TTC28: variants seen among roughly 807,000 people sequenced by gnomAD.
The protein encoded by TTC28 is tetratricopeptide repeat domain 28, also known as tetratricopeptide repeat protein 28.
Under a neutral mutation model 198.0 loss-of-function variants are expected in TTC28, and 61 were observed. That is an observed-to-expected ratio of 0.31 (90% CI 0.25 to 0.38). TTC28 has a LOEUF of 0.38. TTC28 is among the 10% of genes least tolerant of loss of function. The probability of loss-of-function intolerance (pLI) is 1.00; values close to 1 mark genes in which losing one functional copy is unlikely to be tolerated. For missense variants in TTC28, 2,678 were observed against 3,164.0 expected (o/e 0.85, Z 3.69); for synonymous variants, 1,171 against 1,297.8 (o/e 0.90, Z 2.10).
intron 2 of TTC28, among the ~76,000 whole-genome samples, chr22:28,427,449 G>A (rs1269951906): frequency 2.0e-5 from 3 of 152,108 alleles, no homozygotes; most frequent in Non-Finnish European, 4.4e-5. Flanking sequence ...AGGTCAGTTC[G>A]ACACCAACCT....
chr22:28,661,309 T>C (rs2051743439), intron 1 of TTC28, among the ~76,000 whole-genome samples: 2 of 152,204 alleles, frequency 1.3e-5, no homozygotes, highest in African/African-American at 4.8e-5. Context: ...TGTTGTTATA[T>C]AGCCTCATTT....
At chr22:28,349,449 C>A (rs2045959516) in intron 2 of TTC28, among the ~76,000 whole-genome samples, 2 of 152,192 alleles carry the variant, frequency 1.3e-5, no homozygotes, top group South Asian at 4.1e-4. Flanking sequence ...ATTACCACGA[C>A]TGAACAAATG....
chr22:28,567,479 C>T (rs2208073), intron 2 of TTC28, among the ~76,000 whole-genome samples: 748 of 50,816 alleles, frequency 0.015, 5 homozygotes, highest in South Asian at 0.023. Context: ...TACATACATA[C>T]ATATATATAT....
intron 2 of TTC28, among the ~76,000 whole-genome samples, chr22:28,580,526 C>T (rs1307890034): frequency 2.0e-5 from 3 of 152,152 alleles, no homozygotes; most frequent in Admixed American, 6.5e-5. Flanking sequence ...GCATGAGCCA[C>T]CACATCTGGC....
intron 13 of TTC28, 136 bp downstream of exon 13, chr22:28,030,090 A>G (rs1939010800): frequency 9.3e-6 from 12 of 1,289,926 alleles, no homozygotes; most frequent in South Asian, 1.5e-5. Flanking sequence ...CTGTGAAAGC[A>G]TCATGCTTGC....
At chr22:28,409,035 C>T (rs1037201712) in intron 2 of TTC28, among the ~76,000 whole-genome samples, 9 of 152,238 alleles carry the variant, frequency 5.9e-5, no homozygotes, top group Admixed American at 1.3e-4. Context: ...CAATTTATGA[C>T]TCTTTTCGTT....
intron 2 of TTC28, among the ~76,000 whole-genome samples, chr22:28,513,196 C>T (rs1236263371): frequency 1.3e-5 from 2 of 151,894 alleles, no homozygotes; most frequent in Admixed American, 1.3e-4. Flanking sequence ...TTAACCAGCC[C>T]ATACTTTGAA....
rs550874042 is a variant in TTC28, at chr22:28,148,849, A to G, written c.1441+14243T>C. On this transcript the variant is annotated intron_variant, in intron 6 of 22. Coordinates refer to ENST00000397906, the MANE Select transcript of TTC28 (RefSeq NM_001145418.2). ...GATATCTAGACTTAATGACAGTAGT[A>G]AGGCACAAATAGATGAACATAGTAA... 8.5e-5 allele frequency among the ~76,000 whole-genome samples: 13 copies of G among 152,274 alleles called. No individual in the cohort carries two copies. In the South Asian group the frequency reaches 2.7e-3, roughly 32 times the overall value.
At chr22:28,357,766 C>A (rs914500128) in intron 2 of TTC28, among the ~76,000 whole-genome samples, 1 of 152,102 alleles carries the variant, frequency 6.6e-6, no homozygotes, top group Non-Finnish European at 1.5e-5. Context: ...CCAGTGTTCC[C>A]CATCCAATAC....
Position 27,983,095 on chromosome 22 carries a change from T to C in TTC28, c.6572A>G (p.Asn2191Ser). ...CGCCTGAACGCCGTCTTCAGGGTTA[T>C]TACTCTTGCTCACCTGGCCGCCGCT... ...QRSGGQVSKSNNPEDGVQAPS... is the reference protein window; with the variant it reads ...QRSGGQVSKSSNPEDGVQAPS... Residue 2191 changes from asparagine (N) to serine (S), a missense_variant, in exon 23 of 23, where the codon AAT becomes AGT. Around this residue, in one of 8 missense-constraint regions of TTC28, gnomAD observed 622 missense variants for 656.0 expected, o/e 0.95. Coordinates refer to ENST00000397906, the MANE Select transcript of TTC28 (RefSeq NM_001145418.2). 1 of 1,551,746 alleles carries C rather than the reference T, an allele frequency of 6.4e-7. No individual in the cohort carries two copies. Among genetic ancestry groups the C allele is most frequent in the Non-Finnish European group, 8.7e-7 (1 of 1,147,010 alleles).
intron 2 of TTC28, among the ~76,000 whole-genome samples, chr22:28,574,091 C>T (rs995603042): frequency 5.3e-5 from 8 of 152,310 alleles, no homozygotes; most frequent in African/African-American, 1.7e-4. Context: ...TAGCTTACTG[C>T]AGCCTCAACC....
chr22:28,471,570 G>A (rs1601439370), intron 2 of TTC28, among the ~76,000 whole-genome samples: 1 of 152,124 alleles, frequency 6.6e-6, no homozygotes, highest in East Asian at 1.9e-4. Flanking sequence ...ACAACAGGGA[G>A]CATGAAAGGG....
intron 5 of TTC28, among the ~76,000 whole-genome samples, chr22:28,209,263 C>A (rs950441371): frequency 1.3e-5 from 2 of 152,154 alleles, no homozygotes; most frequent in Non-Finnish European, 2.9e-5. Flanking sequence ...TCCGCATTTC[C>A]AACTGAGGTT....
At chr22:28,575,963 A>C (rs1020201363) in intron 2 of TTC28, among the ~76,000 whole-genome samples, 2 of 152,116 alleles carry the variant, frequency 1.3e-5, no homozygotes, top group East Asian at 3.8e-4. Flanking sequence ...AATTTGACTT[A>C]TTCCTTTCCA....
At position 28,157,218 on chromosome 22, in the gene TTC28, C is replaced by T. The variant is rs78079993; in HGVS notation, c.1441+5874G>A. On this transcript the variant is annotated intron_variant, in intron 6 of 22. Transcript: ENST00000397906. ...AAAATCTAGATGAAATGGACAAATT[C>T]CTAGACACATACAACCTGCCAAGAT... Among the ~76,000 whole-genome samples, 521 of 152,246 alleles carry T rather than the reference C, an allele frequency of 3.4e-3. 3 individuals carry two copies. The highest frequency in any genetic ancestry group is 0.012 in the African/African-American group (498 of 41,538).
chr22:28,631,957 G>GTATT (rs1262380044), intron 1 of TTC28, among the ~76,000 whole-genome samples: 2 of 152,056 alleles, frequency 1.3e-5, no homozygotes, highest in Non-Finnish European at 2.9e-5. Flanking sequence ...AAAACAAAAA[G>GTATT]TATTTTTTTC....
chr22:28,520,790 C>T (rs1395898406), intron 2 of TTC28, among the ~76,000 whole-genome samples: 2 of 152,016 alleles, frequency 1.3e-5, no homozygotes, highest in Admixed American at 6.6e-5. Context: ...AGGTAGCACA[C>T]GCTTGTAATC....
In TTC28 at chr22:28,142,067, G is replaced by A. The variant is rs933617142; in HGVS notation, c.1441+21025C>T. Among the ~76,000 whole-genome samples, 11 of 152,130 alleles carry A rather than the reference G, an allele frequency of 7.2e-5. No individual in the cohort carries two copies. The South Asian group carries it at 1.2e-3, about 17-fold the overall frequency. On this transcript the variant is annotated intron_variant, in intron 6 of 22. Coordinates refer to ENST00000397906, the MANE Select transcript of TTC28 (RefSeq NM_001145418.2). ...AAAAGAAACAGATTATGAACATCTC[G>A]TTTCATCTGGGTTTATGTGAGACTT...
chr22:28,602,514 T>C (rs2050655849), intron 2 of TTC28, among the ~76,000 whole-genome samples: 1 of 152,186 alleles, frequency 6.6e-6, no homozygotes, highest in Non-Finnish European at 1.5e-5. Context: ...GCACATCATG[T>C]CTGCAACTTA....
Sources: allele counts gnomAD v4.1 joint callset (sites outside exome capture counted in the v4.1 genomes callset), GRCh38; gene constraint gnomAD v4.1.1; regional missense constraint gnomAD v4.1.1; transcripts MANE v1.5; gene names NCBI Gene and HGNC (gene_info 2026-07-23, HGNC 2026-07-21).